Variants in EPG5 observed in about 807,000 individuals in gnomAD.
EPG5 encodes the protein ectopic P-granules 5 autophagy tethering factor.
EPG5 carries 159 observed loss-of-function variants against 302.7 expected under a neutral mutation model. The ratio of observed to expected loss-of-function variants is 0.53; its 90% CI spans 0.46 to 0.60. EPG5 has a LOEUF of 0.60. EPG5 is among the 20% of genes least tolerant of loss of function. EPG5 has a pLI of 0.00. For synonymous variants in EPG5, 1,158 were observed against 1,136.8 expected (o/e 1.02, Z -0.37); for missense variants, 2,896 against 3,092.4 (o/e 0.94, Z 1.51).
chr18:45,897,899 A>C (rs990499435), intron 27 of EPG5, among the ~76,000 whole-genome samples: 1 of 152,230 alleles, frequency 6.6e-6, no homozygotes, highest in African/African-American at 2.4e-5. Flanking sequence ...TGAAAGACAA[A>C]CAAGAGGGAG....
intron 1 of EPG5, among the ~76,000 whole-genome samples, chr18:45,964,771 C>G (rs2051214246): frequency 6.6e-6 from 1 of 152,070 alleles, no homozygotes; most frequent in Admixed American, 6.6e-5. Context: ...AGTTCGAGAC[C>G]AGCCTGACCA....
At chr18:45,804,653 A>G in the EPG5 span, among the ~76,000 whole-genome samples, 1 of 152,352 alleles carries the variant, frequency 6.6e-6, no homozygotes, top group African/African-American at 2.4e-5. Context: ...AATATGAAGC[A>G]GAATAAAGAC....
At chr18:45,953,360 G>C in intron 2 of EPG5, 3 of 985,164 alleles carry the variant, frequency 3.0e-6, no homozygotes, top group Non-Finnish European at 3.6e-6. Flanking sequence ...CTACTCAAGA[G>C]AATACACACT....
chr18:45,912,510 G>A, intron 21 of EPG5, 54 bp from the exon 22 acceptor site: 1 of 1,509,242 alleles, frequency 6.6e-7, no homozygotes, highest in Non-Finnish European at 9.0e-7. Context: ...AATGCAAACG[G>A]TTAACTCTTT....
chr18:45,839,103 C>A, the EPG5 span: 1,409 of 1,388,870 alleles, frequency 1.0e-3, 4 homozygotes, highest in Non-Finnish European at 1.2e-3. Flanking sequence ...CAGGTGGGTG[C>A]GCCCCAGACA....
chr18:45,818,085 T>A, the EPG5 span, among the ~76,000 whole-genome samples: 9 of 152,180 alleles, frequency 5.9e-5, no homozygotes, highest in Non-Finnish European at 1.3e-4. Context: ...CATTCAATAT[T>A]ATCTTGAGAA....
chr18:45,880,035 A>C, intron 32 of EPG5, 40 bp downstream of exon 32: 1 of 1,500,240 alleles, frequency 6.7e-7, no homozygotes, highest in Non-Finnish European at 8.9e-7. Context: ...GGGAAATAAA[A>C]AGAAATGCAC....
chr18:45,818,732 C>CTTTTT, the EPG5 span, among the ~76,000 whole-genome samples: 95 of 111,384 alleles, frequency 8.5e-4, no homozygotes, highest in Non-Finnish European at 1.0e-3. Context: ...TTTTGCATAA[C>CTTTTT]TTTTTTTTTT....
intron 28 of EPG5, 97 bp downstream of exon 28, chr18:45,889,701 G>T: frequency 9.1e-7 from 1 of 1,104,860 alleles, no homozygotes; most frequent in Non-Finnish European, 1.2e-6. Context: ...AAATTAACCT[G>T]TGGGTGCTGC....
intron 30 of EPG5, 137 bp downstream of exon 30, chr18:45,884,480 G>T: frequency 1.4e-6 from 1 of 691,946 alleles, no homozygotes; most frequent in Non-Finnish European, 2.3e-6. Flanking sequence ...TGAAGCTCAT[G>T]CAAACTGTGA....
At chr18:45,819,644 C>T in the EPG5 span, among the ~76,000 whole-genome samples, 1 of 152,156 alleles carries the variant, frequency 6.6e-6, no homozygotes, top group Non-Finnish European at 1.5e-5. Context: ...TCAGAGGATG[C>T]ACATTAATTA....
chr18:45,963,125 T>C (rs1374227751), intron 1 of EPG5, among the ~76,000 whole-genome samples: 2 of 152,194 alleles, frequency 1.3e-5, no homozygotes, highest in South Asian at 2.1e-4. Context: ...CCTCCCTCAG[T>C]GAGTTCAAAA....
At chr18:45,937,975 G>C (rs1350748274) in intron 10 of EPG5, among the ~76,000 whole-genome samples, 2 of 152,080 alleles carry the variant, frequency 1.3e-5, no homozygotes, top group Admixed American at 6.6e-5. Flanking sequence ...TAAGTAACTA[G>C]GATGAGAGCT....
Position 45,925,798 on chromosome 18 carries a change from CACT to C in EPG5, c.2655_2657del (p.Val887del), listed in dbSNP as rs765893437. 4.4e-6 allele frequency: 7 copies of C among 1,574,364 alleles called. No homozygotes were observed. The highest frequency in any genetic ancestry group is 2.7e-5 in the African/African-American group (2 of 72,872). On this transcript the variant is annotated inframe_deletion, in exon 14 of 44. Transcript: ENST00000282041. ...TAACACAGGCCAGTTTATTCTTCAC[CACT>C]GTCAGGTTGTAATTCAATAACCAAT...
intron 1 of EPG5, 138 bp from the exon 2 acceptor site, chr18:45,955,476 T>C: frequency 3.3e-6 from 2 of 599,976 alleles, no homozygotes; most frequent in South Asian, 4.7e-5. Context: ...TCAGTGTTTT[T>C]GAACAGATAT....
chr18:45,908,210 C>A, intron 23 of EPG5, 129 bp from the exon 24 acceptor site: 2 of 660,498 alleles, frequency 3.0e-6, no homozygotes, highest in Non-Finnish European at 2.3e-6. Flanking sequence ...AAAATGTGGC[C>A]AACAACCACC....
Position 45,887,958 on chromosome 18 carries a change from T to G in EPG5, c.4953-51A>C, listed in dbSNP as rs771141800. The G allele has an allele frequency of 3.7e-6, 5 of 1,347,398 alleles. No individual in the cohort carries two copies. The Admixed American group carries it at 1.2e-4, about 33-fold the overall frequency. 83.5% of individuals were successfully genotyped at this position (1,347,398 alleles called of 1,614,324 possible). A position where few individuals can be genotyped will look rare whatever the true frequency, so the allele number is the denominator to read the frequency against. On this transcript the variant is annotated intron_variant, in intron 28 of 43. Coordinates refer to ENST00000282041, the MANE Select transcript of EPG5 (RefSeq NM_020964.3). Reference sequence around the variant, plus strand: ...CAGTCTACAGTAAAAGATTCCATACTCACAAGGCCTTCTTTGATACCCTAC... The same window carrying G: ...CAGTCTACAGTAAAAGATTCCATACGCACAAGGCCTTCTTTGATACCCTAC...
chr18:45,831,314 TC>T, the EPG5 span, among the ~76,000 whole-genome samples: 3 of 152,260 alleles, frequency 2.0e-5, no homozygotes, highest in South Asian at 6.2e-4. Flanking sequence ...GCCTAAGCTG[TC>T]TTTCCACTAT....
At chr18:45,880,855 C>T (rs982456623) in intron 31 of EPG5, among the ~76,000 whole-genome samples, 1 of 152,174 alleles carries the variant, frequency 6.6e-6, no homozygotes, top group Admixed American at 6.5e-5. Context: ...TGGAGCAGGT[C>T]TGAGGAGAAC....
Sources: gnomAD v4.1 joint callset for allele counts (sites outside exome capture counted in the v4.1 genomes callset) on GRCh38, gnomAD v4.1.1 for gene constraint, MANE v1.5 for transcripts, NCBI Gene and HGNC (gene_info 2026-07-23, HGNC 2026-07-21) for gene names.